Variants in COL4A2 observed in about 807,000 individuals in gnomAD.
COL4A2 encodes the protein collagen type IV alpha 2 chain, also known as collagen alpha-2(IV) chain.
A neutral mutation model predicts 200.2 loss-of-function variants in COL4A2; 99 were observed. The observed-to-expected ratio is 0.49, with a 90% confidence interval of 0.42 to 0.58. The LOEUF (loss-of-function observed/expected upper bound fraction) is 0.58. Ranked by LOEUF, COL4A2 falls within the 20% of genes least tolerant of loss-of-function variation. COL4A2 has a pLI of 0.00. For missense variants in COL4A2, 1,950 were observed against 2,314.1 expected (o/e 0.84, Z 3.23); for synonymous variants, 897 against 900.6 (o/e 1.00, Z 0.07).
In COL4A2 at chr13:110,465,542, C is replaced by G. The variant is rs779939063; in HGVS notation, c.1914C>G (p.Ala638=). 1.2e-6 allele frequency: 2 copies of G among 1,613,976 alleles called. No individual in the cohort carries two copies. Among genetic ancestry groups the G allele is most frequent in the Non-Finnish European group, 8.5e-7 (1 of 1,179,992 alleles). The part of the protein sequence containing the change: ...LKGQRGFPGD[A]GLPGPPGFLG... ...GCCAACGTGGTTTCCCTGGAGACGC[C>G]GGCTTACCTGGACCACCAGGCTTCC... Residue 638 remains alanine, a synonymous_variant, in exon 25 of 48, where the codon GCC becomes GCG. Transcript: ENST00000360467.
intron 3 of COL4A2, among the ~76,000 whole-genome samples, chr13:110,317,094 C>T (rs1331710866): frequency 2.0e-5 from 3 of 151,342 alleles, no homozygotes. Flanking sequence ...CCAGCACACA[C>T]ATACAGACAC....
At chr13:110,353,974 A>T (rs901183078) in intron 3 of COL4A2, among the ~76,000 whole-genome samples, 2 of 152,226 alleles carry the variant, frequency 1.3e-5, no homozygotes, top group African/African-American at 4.8e-5. Context: ...GTAAGAATGC[A>T]TCATTCATTT....
At chr13:110,419,169 C>T (rs1594203534) in intron 4 of COL4A2, among the ~76,000 whole-genome samples, 1 of 152,084 alleles carries the variant, frequency 6.6e-6, no homozygotes, top group South Asian at 2.1e-4. Context: ...AGGATATGGG[C>T]GTCTGCTGGG....
chr13:110,431,651 G>A (rs1199889238), intron 10 of COL4A2, among the ~76,000 whole-genome samples: 2 of 152,132 alleles, frequency 1.3e-5, no homozygotes, highest in South Asian at 2.1e-4. Flanking sequence ...TGCACCACTC[G>A]GAGAAGTCCG....
chr13:110,442,217 T>A (rs919721111), intron 16 of COL4A2, among the ~76,000 whole-genome samples: 1 of 151,686 alleles, frequency 6.6e-6, no homozygotes, highest in African/African-American at 2.4e-5. Context: ...GGGGCCCAGA[T>A]GTGAGGATGG....
At chr13:110,371,368 T>G (rs1388905456) in intron 4 of COL4A2, among the ~76,000 whole-genome samples, 2 of 152,254 alleles carry the variant, frequency 1.3e-5, no homozygotes, top group Non-Finnish European at 2.9e-5. Flanking sequence ...TTTACATTTA[T>G]GTTCTGAAAT....
rs758036875 is a variant in COL4A2, at chr13:110,424,796, G to A, written c.243G>A (p.Pro81=). The change falls in exon 5 of 48, where the codon CCG becomes CCA. Residue 81 remains proline, a synonymous_variant. Transcript: ENST00000360467. ...YNGPPGLQGF[P]GLQGRKGDKG... ...GGCCACCAGGATTACAAGGATTCCCGGGACTGCAGGGACGTAAAGGAGACA... is the reference window on the plus strand; with the variant it reads ...GGCCACCAGGATTACAAGGATTCCCAGGACTGCAGGGACGTAAAGGAGACA... 26 of 1,613,026 alleles carry A rather than the reference G, an allele frequency of 1.6e-5. No individual in the cohort carries two copies. Among genetic ancestry groups the A allele is most frequent in the African/African-American group, 6.7e-5 (5 of 74,900 alleles).
intron 44 of COL4A2, 49 bp from the exon 45 acceptor site, chr13:110,504,099 G>A (rs774126670): frequency 8.1e-6 from 13 of 1,596,864 alleles, no homozygotes; most frequent in Non-Finnish European, 2.6e-6. Context: ...CGCCGGCCGT[G>A]CCAGGCGTGG....
intron 4 of COL4A2, among the ~76,000 whole-genome samples, chr13:110,380,756 C>T (rs1878438290): frequency 6.6e-6 from 1 of 151,466 alleles, no homozygotes. Context: ...TGCTCTGTCT[C>T]ACACCCATGG....
chr13:110,314,669 G>A (rs933503016), intron 3 of COL4A2, among the ~76,000 whole-genome samples: 4 of 152,208 alleles, frequency 2.6e-5, no homozygotes, highest in Admixed American at 2.0e-4. Context: ...GGAAGGGCAG[G>A]CTTGTATCAC....
chr13:110,494,652 C>T (rs186525422), intron 39 of COL4A2, among the ~76,000 whole-genome samples: 6 of 151,358 alleles, frequency 4.0e-5, no homozygotes, highest in East Asian at 3.9e-4. Flanking sequence ...TGCAGTGAGC[C>T]GAGATCGCGC....
At chr13:110,457,318 C>G (rs1022243365) in intron 20 of COL4A2, 25 bp from the exon 21 acceptor site, 1 of 1,524,066 alleles carries the variant, frequency 6.6e-7, no homozygotes, top group East Asian at 2.3e-5. Context: ...GGGCTCATGC[C>G]CTGCATCTGT....
chr13:110,453,690 G>A (rs1881622889), intron 20 of COL4A2, among the ~76,000 whole-genome samples: 1 of 152,174 alleles, frequency 6.6e-6, no homozygotes, highest in Non-Finnish European at 1.5e-5. Flanking sequence ...TTTCTGATCT[G>A]TAGTGTGGGC....
chr13:110,496,159 T>C (rs1346550078), intron 40 of COL4A2, among the ~76,000 whole-genome samples: 1 of 152,180 alleles, frequency 6.6e-6, no homozygotes, highest in Non-Finnish European at 1.5e-5. Context: ...CTGGGCTCCA[T>C]GCTGGCAACA....
In COL4A2 at chr13:110,307,852, G is replaced by A. The variant is rs1884832456; in HGVS notation, c.-44-8G>A. 34 of 1,571,372 alleles carry A rather than the reference G, an allele frequency of 2.2e-5. 1 individual carries two copies. In the South Asian group the frequency reaches 2.3e-4, roughly 11 times the overall value. On this transcript the variant is annotated splice_region_variant and splice_polypyrimidine_tract_variant and intron_variant, in intron 1 of 47. Transcript: ENST00000360467. The surrounding 1 kb of genome is among the most constrained non-coding windows in gnomAD (Gnocchi z 5.0). ...CTGCGCTAAACTCGCTTTGTCTGTC[G>A]CCTCTAGGCTAAGTGGGACTGACCG... is the stretch of plus-strand genomic sequence containing the variant.
chr13:110,313,991 T>G (rs1885065663), intron 3 of COL4A2, among the ~76,000 whole-genome samples: 1 of 152,258 alleles, frequency 6.6e-6, no homozygotes, highest in African/African-American at 2.4e-5. Context: ...AACATGCTTT[T>G]TTGTAAAACC....
Position 110,503,943 on chromosome 13 carries a change from C to T in COL4A2, c.4235C>T (p.Pro1412Leu), listed in dbSNP as rs777801935. 1.1e-5 allele frequency: 17 copies of T among 1,579,988 alleles called. 1 individual carries two copies. Among genetic ancestry groups the T allele is most frequent in the Non-Finnish European group, 2.6e-6 (3 of 1,160,228 alleles). Reference protein sequence around the residue: ...GTVGPQGRRGPPGAPGEMGPQ... With the variant: ...GTVGPQGRRGLPGAPGEMGPQ... ...GTGGGTCCCCAGGGGAGGCGAGGCC[C>T]CCCTGGGGCACCGGGGGAGATGGGG... Residue 1412 changes from proline (P) to leucine (L), a missense_variant, in exon 44 of 48, where the codon CCC becomes CTC. Coordinates refer to ENST00000360467, the MANE Select transcript of COL4A2 (RefSeq NM_001846.4).
rs1566570967 is a variant in COL4A2 at position 110,503,102 on chromosome 13, T to C, written c.3878-19T>C. 2 of 1,611,814 alleles carry C rather than the reference T, an allele frequency of 1.2e-6. No homozygotes were observed. Among genetic ancestry groups the C allele is most frequent in the East Asian group, 4.5e-5 (2 of 44,868 alleles). ...GGGGCCCTGTTTAAACCCTCCTTTC[T>C]TGTCCCTAATGCCAACAGGTTATCG... On this transcript the variant is annotated intron_variant, in intron 41 of 47. Transcript: ENST00000360467.
intron 32 of COL4A2, among the ~76,000 whole-genome samples, chr13:110,483,085 G>A (rs147702264): frequency 4.2e-4 from 64 of 152,252 alleles, no homozygotes; most frequent in African/African-American, 1.5e-3. Context: ...GAGAGAACGT[G>A]GTCCACACAT....
Sources: gnomAD v4.1 joint callset for allele counts (sites outside exome capture counted in the v4.1 genomes callset) on GRCh38, gnomAD v4.1.1 for gene constraint, Gnocchi (gnomAD v3.1) non-coding constraint, MANE v1.5 for transcripts, NCBI Gene and HGNC (gene_info 2026-07-23, HGNC 2026-07-21) for gene names.